The following DKC1 variants were observed in gnomAD, a reference collection of about 807,000 sequenced individuals.
DKC1 encodes the protein H/ACA ribonucleoprotein complex subunit DKC1.
DKC1 carries 4 observed loss-of-function variants against 46.7 expected under a neutral mutation model. The ratio of observed to expected loss-of-function variants is 0.09; its 90% CI spans 0.04 to 0.20. DKC1 has a LOEUF of 0.20. Ranked by LOEUF, DKC1 falls within the 10% of genes least tolerant of loss-of-function variation. The probability of loss-of-function intolerance (pLI) is 1.00; values close to 1 mark genes in which losing one functional copy is unlikely to be tolerated. For synonymous variants in DKC1, 141 were observed against 142.4 expected (o/e 0.99, Z 0.07); for missense variants, 171 against 404.2 (o/e 0.42, Z 4.95).
intron 12 of DKC1, 76 bp downstream of exon 12, chrX:154,774,781 A>T (rs782388024): frequency 1.4e-5 from 13 of 904,370 alleles, no homozygotes. Context: ...GTATGTCAAC[A>T]ACAGGTGAGG....
At chrX:154,763,521 A>G (rs1445195053) in intron 1 of DKC1, among the ~76,000 whole-genome samples, 1 of 112,391 alleles carries the variant, frequency 8.9e-6, no homozygotes, top group Non-Finnish European at 1.9e-5. Flanking sequence ...AAGCTCTGCC[A>G]TAGCCACGTG....
At chrX:154,774,729 C>T (rs1569558618) in intron 12 of DKC1, 24 bp downstream of exon 12, 5 of 1,158,661 alleles carry the variant, frequency 4.3e-6, no homozygotes, top group Non-Finnish European at 3.5e-6. Flanking sequence ...GTTTCAGAGC[C>T]GGGGTGGGTA....
intron 1 of DKC1, among the ~76,000 whole-genome samples, chrX:154,763,313 C>T (rs2071704423): frequency 8.9e-6 from 1 of 112,373 alleles, no homozygotes; most frequent in South Asian, 3.7e-4. Flanking sequence ...GCCCGGACGC[C>T]GCCGTTACAG....
At chrX:154,774,820 G>C (rs782023373) in intron 12 of DKC1, 115 bp downstream of exon 12, 25 of 645,741 alleles carry the variant, frequency 3.9e-5, no homozygotes, top group East Asian at 3.3e-5. Context: ...CTTGCCATCT[G>C]GACGCAGGAG....
intron 11 of DKC1, among the ~76,000 whole-genome samples, chrX:154,774,276 G>A (rs1173718153): frequency 1.8e-5 from 2 of 111,876 alleles, no homozygotes; most frequent in Admixed American, 1.9e-4. Flanking sequence ...CCACACCGGT[G>A]TGAAGAGTGG....
intron 12 of DKC1, 71 bp downstream of exon 12, chrX:154,774,776 TCAA>T (rs782773881): frequency 3.9e-5 from 36 of 925,583 alleles, no homozygotes; most frequent in Middle Eastern, 2.6e-4. Flanking sequence ...CAGGAGTATG[TCAA>T]CAACAGGTGA....
chrX:154,765,246 T>C (rs2071730686), intron 2 of DKC1, 198 bp from the exon 3 acceptor site: 1 of 512,990 alleles, frequency 1.9e-6, no homozygotes, highest in Non-Finnish European at 3.5e-6. Context: ...CTTTAAATGT[T>C]TGGACCCATC....
chrX:154,765,077 G>T (rs192386971), intron 2 of DKC1, 111 bp downstream of exon 2: 1 of 662,838 alleles, frequency 1.5e-6, no homozygotes, highest in East Asian at 3.2e-5. Context: ...GCCAGCATTG[G>T]TAGTCATTGT....
Position 154,762,921 on chromosome X carries a change from T to A in DKC1, c.-45T>A. 1 of 1,170,023 alleles carries A rather than the reference T, an allele frequency of 8.5e-7. No homozygotes were observed. Among genetic ancestry groups the A allele is most frequent in the Non-Finnish European group, 1.1e-6 (1 of 873,598 alleles). Reference sequence around the variant, plus strand: ...CAAGGCGGCGGGAGTCTGCGGTCGTTCCCTCGGCTGTGGACCGGGCGGCAC... The same window carrying A: ...CAAGGCGGCGGGAGTCTGCGGTCGTACCCTCGGCTGTGGACCGGGCGGCAC... On this transcript the variant is annotated 5_prime_UTR_variant, in exon 1 of 15. Transcript: ENST00000369550.
intron 1 of DKC1, 124 bp downstream of exon 1, chrX:154,763,105 C>A (rs1023768201): frequency 4.0e-5 from 35 of 878,248 alleles, no homozygotes; most frequent in Middle Eastern, 5.8e-4. Flanking sequence ...GCCTCTTCAC[C>A]GCCCGGCCTT....
rs186518477 is a variant in DKC1 at position 154,776,846 on chromosome X, G to T, written c.1524G>T (p.Glu508Asp). 3 of 1,203,709 alleles carry T rather than the reference G, an allele frequency of 2.5e-6. No individual in the cohort carries two copies. Among genetic ancestry groups the T allele is most frequent in the East Asian group, 5.9e-5 (2 of 33,640 alleles). Residue 508 changes from glutamate (E) to aspartate (D), a missense_variant, in exon 15 of 15, where the codon GAG becomes GAT. By Grantham distance (45) the Glu-to-Asp change is conservative. Coordinates refer to ENST00000369550, the MANE Select transcript of DKC1 (RefSeq NM_001363.5). ...KKKKKKKKAK[E>D]VELVSE The stretch of plus-strand genomic sequence containing the variant: ...AGAAGAAGAAGAAGAAAGCAAAAGA[G>T]GTAGAATTGGTTTCTGAGTAGTGAA...
intron 12 of DKC1, 150 bp downstream of exon 12, chrX:154,774,855 G>A (rs782276217): frequency 1.9e-5 from 11 of 591,451 alleles, no homozygotes; most frequent in African/African-American, 1.8e-4. Context: ...GTGAGGAACA[G>A]GTGAGCATGG....
intron 9 of DKC1, among the ~76,000 whole-genome samples, chrX:154,770,320 T>C (rs2071804853): frequency 9.2e-6 from 1 of 108,764 alleles, no homozygotes; most frequent in Non-Finnish European, 1.9e-5. Flanking sequence ...AATACAAAAA[T>C]TAGCTGGGCG....
chrX:154,766,755 G>A (rs782262679), intron 5 of DKC1, among the ~76,000 whole-genome samples: 4 of 111,226 alleles, frequency 3.6e-5, no homozygotes, highest in Non-Finnish European at 7.5e-5. Flanking sequence ...CTTTTTCCAC[G>A]CAGCTTCTAC....
chrX:154,764,829 G>A lies in DKC1; in HGVS notation c.17-70G>A, dbSNP rs142410621. ...CCATTTCCTACCTGCCCTAATTTCGGTCTTTATTTTAAACCCTTGTTTCAT... is the reference window on the plus strand; with the variant it reads ...CCATTTCCTACCTGCCCTAATTTCGATCTTTATTTTAAACCCTTGTTTCAT... On this transcript the variant is annotated intron_variant, in intron 1 of 14. Transcript: ENST00000369550. 327 of 822,526 alleles carry A rather than the reference G, an allele frequency of 4.0e-4. 1 individual carries two copies. In the African/African-American group the frequency reaches 5.3e-3, roughly 13 times the overall value. The allele number at this position is 822,526 out of a possible 1,213,427, so 67.8% of individuals were successfully genotyped here.
chrX:154,776,196 G>A lies in DKC1; in HGVS notation c.1348G>A (p.Glu450Lys). Reference protein sequence around the residue: ...EAAKTAKRKRESESESDETPP... With the variant: ...EAAKTAKRKRKSESESDETPP... ...ATTGCTTTCATCTCAGCGGAAGCGA[G>A]AGAGTGAGAGTGAAAGTGACGAGAC... The change falls in exon 14 of 15, where the codon GAG becomes AAG. Residue 450 changes from glutamate to lysine, a missense_variant. This residue lies in a region of DKC1 where 54 missense variants were observed against 64.4 expected (regional missense o/e 0.84). Coordinates refer to ENST00000369550, the MANE Select transcript of DKC1 (RefSeq NM_001363.5). The A allele has an allele frequency of 1.7e-6, 2 of 1,212,014 alleles. No individual in the cohort carries two copies. Among genetic ancestry groups the A allele is most frequent in the South Asian group, 3.5e-5 (2 of 57,007 alleles).
intron 11 of DKC1, among the ~76,000 whole-genome samples, chrX:154,774,371 T>G (rs903732620): frequency 7.0e-4 from 78 of 110,755 alleles, no homozygotes; most frequent in African/African-American, 2.5e-3. Flanking sequence ...AAAAGTAGAG[T>G]GGCTGCGGTG....
At position 154,766,291 on chromosome X, in the gene DKC1, T is replaced by C; in HGVS notation, c.339T>C (p.Leu113=). 1 of 1,209,718 alleles carries C rather than the reference T, an allele frequency of 8.3e-7. No individual in the cohort carries two copies. Among genetic ancestry groups the C allele is most frequent in the Non-Finnish European group, 1.1e-6 (1 of 894,503 alleles). Residue 113 remains leucine (L), a synonymous_variant, in exon 5 of 15, where the codon CTT becomes CTC. Transcript: ENST00000369550. ...TGGTAGCCTGGATTCGACGGATACTTCGGGTGGAGAAGACAGGGCACAGTG... is the reference window on the plus strand; with the variant it reads ...TGGTAGCCTGGATTCGACGGATACTCCGGGTGGAGAAGACAGGGCACAGTG... ...HEVVAWIRRI[L]RVEKTGHSGT... is the part of the protein sequence containing the mutation.
chrX:154,769,023 G>T, intron 8 of DKC1, 144 bp from the exon 9 acceptor site: 1 of 376,884 alleles, frequency 2.7e-6, no homozygotes, highest in South Asian at 3.8e-5. Context: ...AAAAAAAGAT[G>T]CCTGGAAGAG....
Sources: allele counts gnomAD v4.1 joint callset (sites outside exome capture counted in the v4.1 genomes callset), GRCh38; gene constraint gnomAD v4.1.1; regional missense constraint gnomAD v4.1.1; transcripts MANE v1.5; gene names NCBI Gene and HGNC (gene_info 2026-07-23, HGNC 2026-07-21).